STAT5B: variants seen among roughly 807,000 people sequenced by gnomAD.
The protein encoded by STAT5B is signal transducer and activator of transcription 5B.
A neutral mutation model predicts 107.8 loss-of-function variants in STAT5B; 21 were observed. That is an observed-to-expected ratio of 0.19 (90% confidence interval 0.14 to 0.28). The LOEUF is 0.28. STAT5B is among the 10% of genes least tolerant of loss of function. The probability of loss-of-function intolerance (pLI) is 1.00; values close to 1 mark genes in which losing one functional copy is unlikely to be tolerated. For missense variants in STAT5B, 565 were observed against 1,008.2 expected (o/e 0.56, Z 5.95); for synonymous variants, 325 against 401.7 (o/e 0.81, Z 2.28).
At chr17:42,252,804 A>T (rs1033990784) in intron 1 of STAT5B, among the ~76,000 whole-genome samples, 2 of 152,242 alleles carry the variant, frequency 1.3e-5, no homozygotes, top group Non-Finnish European at 1.5e-5. Flanking sequence ...TTATTGCAGC[A>T]ATTTCAAAGA....
intron 15 of STAT5B, among the ~76,000 whole-genome samples, chr17:42,209,011 G>A (rs1242614888): frequency 6.6e-6 from 1 of 150,718 alleles, no homozygotes; most frequent in Non-Finnish European, 1.5e-5. Flanking sequence ...GGGATTACAG[G>A]CGTGAGCCAC....
chr17:42,263,837 TATTA>T (rs776521029), intron 1 of STAT5B, among the ~76,000 whole-genome samples: 65 of 150,288 alleles, frequency 4.3e-4, no homozygotes, highest in Non-Finnish European at 9.0e-4. Flanking sequence ...ATAATCTGTT[TATTA>T]TAGAAAAATG....
At chr17:42,228,863 G>A (rs1331510488) in intron 2 of STAT5B, among the ~76,000 whole-genome samples, 1 of 152,170 alleles carries the variant, frequency 6.6e-6, no homozygotes, top group East Asian at 1.9e-4. Context: ...GAACCCAGGA[G>A]GTGGAGGTTG....
intron 1 of STAT5B, among the ~76,000 whole-genome samples, chr17:42,255,137 G>T (rs1195792041): frequency 6.6e-6 from 1 of 152,076 alleles, no homozygotes; most frequent in Non-Finnish European, 1.5e-5. Flanking sequence ...CACGCAATCA[G>T]AACCTCCCCT....
chr17:42,281,661 C>T (rs563503910), upstream of STAT5B, among the ~76,000 whole-genome samples: 2 of 152,268 alleles, frequency 1.3e-5, no homozygotes, highest in East Asian at 1.9e-4. Flanking sequence ...ATGGAGGACT[C>T]GCCACCTGGA....
intron 1 of STAT5B, among the ~76,000 whole-genome samples, chr17:42,262,841 T>C (rs1439276138): frequency 2.0e-5 from 2 of 101,790 alleles, no homozygotes; most frequent in African/African-American, 9.6e-5. Context: ...TATACACACA[T>C]ATATATGTAT....
intron 12 of STAT5B, among the ~76,000 whole-genome samples, chr17:42,214,953 A>G (rs573802894): frequency 3.0e-4 from 46 of 152,176 alleles, no homozygotes; most frequent in Admixed American, 1.2e-3. Flanking sequence ...GGATTTTGCT[A>G]TGCTGCCTAG....
chr17:42,249,131 C>T (rs2144353297), intron 1 of STAT5B, among the ~76,000 whole-genome samples: 1 of 152,300 alleles, frequency 6.6e-6, no homozygotes, highest in Admixed American at 6.5e-5. Flanking sequence ...GTGGCTCAGG[C>T]CTGTAATCCC....
chr17:42,223,417 A>G lies in STAT5B; in HGVS notation c.515T>C (p.Phe172Ser). ...LKKLQQTQEY[F>S]IIQYQESLRI... ...CAGGCTCTCCTGGTACTGGATGATG[A>G]AGTACTCCTGAGTCTGCTGCAGCTT... is the stretch of plus-strand genomic sequence containing the variant. Residue 172 changes from phenylalanine (F) to serine (S), a missense_variant, in exon 5 of 19, where the codon TTC becomes TCC. By Grantham distance (155) the Phe-to-Ser change is radical (BLOSUM62 -2). This residue lies in a region of STAT5B where 56 missense variants were observed against 104.5 expected (regional missense o/e 0.54). Transcript: ENST00000293328. The G allele has an allele frequency of 6.2e-7, 1 of 1,614,096 alleles. No individual in the cohort carries two copies. The highest frequency in any genetic ancestry group is 8.5e-7 in the Non-Finnish European group (1 of 1,180,004).
intron 1 of STAT5B, among the ~76,000 whole-genome samples, chr17:42,256,221 T>C (rs2080542774): frequency 6.6e-6 from 1 of 152,178 alleles, no homozygotes; most frequent in South Asian, 2.1e-4. Flanking sequence ...AAAGAGATAT[T>C]TGCTGTCTCC....
intron 5 of STAT5B, among the ~76,000 whole-genome samples, chr17:42,222,254 A>T (rs1237160831): frequency 6.6e-6 from 1 of 151,782 alleles, no homozygotes; most frequent in Non-Finnish European, 1.5e-5. Flanking sequence ...CTTCTCTGAG[A>T]CTGAGCTGGG....
intron 1 of STAT5B, among the ~76,000 whole-genome samples, chr17:42,274,608 G>C (rs963612426): frequency 1.3e-5 from 2 of 152,074 alleles, no homozygotes; most frequent in Non-Finnish European, 2.9e-5. Context: ...CAATCAATAA[G>C]ATTCTCCCCA....
At chr17:42,264,910 T>C (rs2144409199) in intron 1 of STAT5B, among the ~76,000 whole-genome samples, 1 of 126,646 alleles carries the variant, frequency 7.9e-6, no homozygotes, top group African/African-American at 3.0e-5. Context: ...CTAACTGGTG[T>C]GAGATGGTAT....
At chr17:42,220,375 C>T (rs910716817) in intron 5 of STAT5B, among the ~76,000 whole-genome samples, 10 of 152,160 alleles carry the variant, frequency 6.6e-5, no homozygotes, top group African/African-American at 1.9e-4. Context: ...GTGTGAGGTT[C>T]GTGCTTCTTG....
intron 13 of STAT5B, 114 bp downstream of exon 13, chr17:42,211,870 T>C: frequency 6.7e-7 from 1 of 1,487,826 alleles, no homozygotes; most frequent in Non-Finnish European, 9.2e-7. Context: ...CTTCTATTAC[T>C]TTCGGTACAT....
the STAT5B span, among the ~76,000 whole-genome samples, chr17:42,285,080 CT>C: frequency 6.1e-3 from 885 of 145,354 alleles, 5 homozygotes; most frequent in African/African-American, 0.013. Context: ...GAATATATTG[CT>C]TTTTTTTTTT....
intron 1 of STAT5B, among the ~76,000 whole-genome samples, chr17:42,241,445 ATTT>A (rs373823195): frequency 7.0e-6 from 1 of 143,690 alleles, no homozygotes. Context: ...TAGTACAGCA[ATTT>A]TTTTTTTTTT....
intron 16 of STAT5B, among the ~76,000 whole-genome samples, chr17:42,205,356 AAAAAAAGTCAC>A (rs1268801773): frequency 6.6e-6 from 1 of 152,046 alleles, no homozygotes; most frequent in Non-Finnish European, 1.5e-5. Context: ...CCAAGTAAAA[AAAAAAAGTCAC>A]AAAAAATTAC....
chr17:42,265,225 TG>T (rs1361514974), intron 1 of STAT5B, among the ~76,000 whole-genome samples: 2 of 152,060 alleles, frequency 1.3e-5, no homozygotes, highest in African/African-American at 4.8e-5. Context: ...AGATCCCATT[TG>T]TCAATTTTGT....
Sources: gnomAD v4.1 joint callset for allele counts (sites outside exome capture counted in the v4.1 genomes callset) on GRCh38, gnomAD v4.1.1 for gene constraint, gnomAD v4.1.1 regional missense constraint, MANE v1.5 for transcripts, NCBI Gene and HGNC (gene_info 2026-07-23, HGNC 2026-07-21) for gene names.